The following RNF44 variants were observed in gnomAD, a reference collection of about 807,000 sequenced individuals.
RNF44 encodes the protein ring finger protein 44.
Under a neutral mutation model 53.6 loss-of-function variants are expected in RNF44, and 25 were observed. The observed-to-expected ratio is 0.47, with a 90% CI of 0.34 to 0.65. The LOEUF is 0.65. Among genes scored for constraint, RNF44 ranks in the 30% least tolerant of loss-of-function variants. The probability of loss-of-function intolerance (pLI) is 0.01; values close to 1 mark genes in which losing one functional copy is unlikely to be tolerated. For missense variants in RNF44, 581 were observed against 595.5 expected (o/e 0.98, Z 0.25); for synonymous variants, 282 against 252.2 (o/e 1.12, Z -1.12).
Position 176,530,761 on chromosome 5 carries a change from GGGTCAGCA to G in RNF44, c.640-26_640-19del. 1.3e-6 allele frequency: 2 copies of G among 1,515,696 alleles called. No individual in the cohort carries two copies. Among genetic ancestry groups the G allele is most frequent in the Non-Finnish European group, 1.8e-6 (2 of 1,135,396 alleles). The allele number at this position is 1,515,696 out of a possible 1,614,324, so 93.9% of individuals were successfully genotyped here. A position where few individuals can be genotyped will look rare whatever the true frequency, so the allele number is the denominator to read the frequency against. On this transcript the variant is annotated intron_variant, in intron 5 of 10. Coordinates refer to ENST00000274811, the MANE Select transcript of RNF44 (RefSeq NM_014901.5). Reference sequence around the variant, plus strand: ...TGGAGGGGCTGGAAGAACCAGCGCCGGGTCAGCAAGTCAGTGAGACGAGGCTGTCCTCA... The same window carrying G: ...TGGAGGGGCTGGAAGAACCAGCGCCGAGTCAGTGAGACGAGGCTGTCCTCA...
chr5:176,540,218 G>A (rs370861724), upstream of RNF44, among the ~76,000 whole-genome samples: 6 of 152,094 alleles, frequency 3.9e-5, no homozygotes, highest in African/African-American at 9.7e-5. Context: ...GTGCGCAGAC[G>A]TCCAGCCTTC....
At chr5:176,534,234 G>A (rs903073134) in intron 1 of RNF44, among the ~76,000 whole-genome samples, 14 of 152,238 alleles carry the variant, frequency 9.2e-5, no homozygotes, top group Non-Finnish European at 1.9e-4. Context: ...CAGTCTGGCA[G>A]CAATGCCAAC....
rs761542010 is a variant in RNF44, at chr5:176,531,508, C to G, written c.420G>C (p.Val140=). 1.9e-6 allele frequency: 3 copies of G among 1,599,420 alleles called. No individual in the cohort carries two copies. The highest frequency in any genetic ancestry group is 2.6e-6 in the Non-Finnish European group (3 of 1,173,362). The change falls in exon 4 of 11, where the codon GTG becomes GTC. Residue 140 remains valine, a synonymous_variant. Transcript: ENST00000274811. The surrounding 1 kb of genome is among the most constrained non-coding windows in gnomAD (Gnocchi z 4.2). ...CSAQQLPACS[V]MFSGQHYPLC... ...GGGGGTAATGCTGCCCACTGAACAT[C>G]ACGGAGCATGCTGGGAGCTGCTGGG...
At position 176,528,391 on chromosome 5, in the gene RNF44, C is replaced by G. The variant is rs1175237936; in HGVS notation, c.*637G>C. 6.6e-6 allele frequency: 1 copy of G among 152,298 alleles called. No homozygotes were observed. Among genetic ancestry groups the G allele is most frequent in the African/African-American group, 2.4e-5 (1 of 41,398 alleles). The allele number at this position is 152,298 out of a possible 1,614,324, so 9.4% of individuals were successfully genotyped here. A position where few individuals can be genotyped will look rare whatever the true frequency, so the allele number is the denominator to read the frequency against. ...CCCTCAGGATACGTGTGCCCCAGCTCGGGATTAGGCTGGGACGCCCTCCAG... is the reference window on the plus strand; with the variant it reads ...CCCTCAGGATACGTGTGCCCCAGCTGGGGATTAGGCTGGGACGCCCTCCAG... On this transcript the variant is annotated 3_prime_UTR_variant, in exon 11 of 11. Coordinates refer to ENST00000274811, the MANE Select transcript of RNF44 (RefSeq NM_014901.5).
chr5:176,538,375 G>T (rs1757358427), upstream of RNF44, among the ~76,000 whole-genome samples: 1 of 152,332 alleles, frequency 6.6e-6, no homozygotes, highest in Non-Finnish European at 1.5e-5. Context: ...AAGTGTGGCG[G>T]AGCAGGAGTG....
At position 176,528,773 on chromosome 5, in the gene RNF44, C is replaced by A. The variant is rs928110586; in HGVS notation, c.*255G>T. 7 of 566,632 alleles carry A rather than the reference C, an allele frequency of 1.2e-5. No individual in the cohort carries two copies. Among genetic ancestry groups the A allele is most frequent in the African/African-American group, 9.4e-5 (5 of 52,922 alleles). The allele number at this position is 566,632 out of a possible 1,614,324, so 35.1% of individuals were successfully genotyped here. ...GACCTGAGGGTGCACAGGAGGGAGA[C>A]CCGATCAGGGACACTCAGGCAGCTC... On this transcript the variant is annotated 3_prime_UTR_variant, in exon 11 of 11. Transcript: ENST00000274811.
chr5:176,541,711 A>C (rs1030238243), upstream of RNF44, among the ~76,000 whole-genome samples: 1 of 152,150 alleles, frequency 6.6e-6, no homozygotes, highest in Non-Finnish European at 1.5e-5. Flanking sequence ...GAGCCTGGAC[A>C]ACTGGCTGCC....
In RNF44 at chr5:176,527,665, CA is replaced by C. The variant is rs1756148777; in HGVS notation, c.*1362del. The C allele has an allele frequency of 6.6e-6, 1 of 152,320 alleles. No individual in the cohort carries two copies. The highest frequency in any genetic ancestry group is 6.5e-5 in the Admixed American group (1 of 15,276). 9.4% of individuals were successfully genotyped at this position (152,320 alleles called of 1,614,324 possible). A position where few individuals can be genotyped will look rare whatever the true frequency, so the allele number is the denominator to read the frequency against. ...GGAGCATCCCTGAGGCAGCAGGCGC[CA>C]GGGGCTGCCTGCTAGGATGTGCCGG... On this transcript the variant is annotated 3_prime_UTR_variant, in exon 11 of 11. Transcript: ENST00000274811.
rs1199858182 is a variant in RNF44 at position 176,531,117 on chromosome 5, C to T, written c.466-96G>A. The T allele has an allele frequency of 1.9e-5, 16 of 864,204 alleles. No individual in the cohort carries two copies. Among genetic ancestry groups the T allele is most frequent in the Non-Finnish European group, 1.7e-6 (1 of 602,930 alleles). 53.5% of individuals were successfully genotyped at this position (864,204 alleles called of 1,614,324 possible). ...CAGCAAAAGGCCCCCACCGGGCACA[C>T]ACCCAGCAGCTCCAGGGTCTGTATA... On this transcript the variant is annotated intron_variant, in intron 4 of 10. Transcript: ENST00000274811. The surrounding 1 kb of genome is among the most constrained non-coding windows in gnomAD (Gnocchi z 4.2).
intron 10 of RNF44, 50 bp downstream of exon 10, chr5:176,529,238 C>A (rs374741485): frequency 1.3e-6 from 2 of 1,572,246 alleles, no homozygotes; most frequent in East Asian, 4.5e-5. Context: ...CCAGCCCATC[C>A]CCCCGTCACT....
the RNF44 span, among the ~76,000 whole-genome samples, chr5:176,543,388 G>A: frequency 6.6e-6 from 1 of 150,576 alleles, no homozygotes; most frequent in Non-Finnish European, 1.5e-5. This position sits in a 1 kb window ranked among gnomAD's most constrained non-coding sequence, Gnocchi z 4.0. Context: ...CGGTGCAGGG[G>A]AACCGTCCGC....
intron 1 of RNF44, among the ~76,000 whole-genome samples, chr5:176,536,658 G>C (rs1461047348): frequency 6.6e-6 from 1 of 152,060 alleles, no homozygotes; most frequent in East Asian, 1.9e-4. Flanking sequence ...TGCTCGGCGT[G>C]AGACAAAAGC....
At chr5:176,530,325 G>GCAGGCC in intron 6 of RNF44, 119 bp from the exon 7 acceptor site, 1 of 236,902 alleles carries the variant, frequency 4.2e-6, no homozygotes, top group Non-Finnish European at 6.3e-6. Context: ...CCAGGTGCAA[G>GCAGGCC]TCAGCCCGGT....
rs759697059 is a variant in RNF44 at position 176,531,599 on chromosome 5, G to A, written c.329C>T (p.Thr110Met). 8 of 1,613,238 alleles carry A rather than the reference G, an allele frequency of 5.0e-6. No individual in the cohort carries two copies. The highest frequency in any genetic ancestry group is 1.7e-4 in the Middle Eastern group (1 of 6,054). Residue 110 changes from threonine (T) to methionine (M), a missense_variant, in exon 4 of 11, where the codon ACG becomes ATG. Coordinates refer to ENST00000274811, the MANE Select transcript of RNF44 (RefSeq NM_014901.5). The surrounding 1 kb of genome is among the most constrained non-coding windows in gnomAD (Gnocchi z 4.2). ...GCCTTGGGTCGTCACTGTGGTGACC[G>A]TGTAGGACAGAGGGACAGGTCCCTG... ...VHQGPVPLSY[T>M]VTTVTTQGFP...
intron 1 of RNF44, among the ~76,000 whole-genome samples, 163 bp downstream of exon 1, chr5:176,536,777 T>TGTG (rs1757229526): frequency 1.3e-5 from 1 of 75,642 alleles, no homozygotes; most frequent in African/African-American, 5.1e-5. Context: ...CGGGGGGCCT[T>TGTG]GGGGGGGGTT....
At position 176,528,795 on chromosome 5, in the gene RNF44, G is replaced by A; in HGVS notation, c.*233C>T. The A allele has an allele frequency of 3.4e-6, 2 of 584,726 alleles. No homozygotes were observed. The highest frequency in any genetic ancestry group is 6.1e-6 in the Non-Finnish European group (2 of 329,068). 36.2% of individuals were successfully genotyped at this position (584,726 alleles called of 1,614,324 possible). A position where few individuals can be genotyped will look rare whatever the true frequency, so the allele number is the denominator to read the frequency against. On this transcript the variant is annotated 3_prime_UTR_variant, in exon 11 of 11. Transcript: ENST00000274811. ...AGACCCGATCAGGGACACTCAGGCA[G>A]CTCCGTGGCGGGCGGGCAGGCAGGC...
At chr5:176,534,357 G>T (rs1361504768) in intron 1 of RNF44, among the ~76,000 whole-genome samples, 1 of 152,260 alleles carries the variant, frequency 6.6e-6, no homozygotes, top group African/African-American at 2.4e-5. Flanking sequence ...AGGTCACCCA[G>T]GCCCAACCTC....
chr5:176,532,910 G>A (rs542395781), intron 1 of RNF44, among the ~76,000 whole-genome samples: 15 of 152,160 alleles, frequency 9.9e-5, no homozygotes, highest in African/African-American at 1.7e-4. Flanking sequence ...GTGCTGACAC[G>A]CCAGGACAGC....
At chr5:176,540,101 C>A (rs534406333), upstream of RNF44, among the ~76,000 whole-genome samples, 41 of 152,326 alleles carry the variant, frequency 2.7e-4, 1 homozygote, top group South Asian at 8.5e-3. Context: ...GCTAGATGCA[C>A]CCCAGCCTTT....
Sources: allele counts gnomAD v4.1 joint callset (sites outside exome capture counted in the v4.1 genomes callset), GRCh38; gene constraint gnomAD v4.1.1; non-coding constraint Gnocchi (gnomAD v3.1); transcripts MANE v1.5; gene names NCBI Gene and HGNC (gene_info 2026-07-23, HGNC 2026-07-21).